Variants in VTCN1 observed in about 807,000 individuals in gnomAD.
The protein encoded by VTCN1 is V-set domain containing T cell activation inhibitor 1.
VTCN1 carries 26 observed loss-of-function variants against 26.5 expected under a neutral mutation model. The ratio of observed to expected loss-of-function variants is 0.98; its 90% CI spans 0.72 to 1.36. The LOEUF (loss-of-function observed/expected upper bound fraction) is 1.36, where lower values mean the gene tolerates loss of function less well. Among genes scored for constraint, VTCN1 ranks in the 40% most tolerant of loss-of-function variants. VTCN1 has a pLI of 0.00. For synonymous variants in VTCN1, 116 were observed against 130.7 expected, an observed-to-expected ratio of 0.89 and a Z score of 0.77; for missense variants, 298 against 337.7, an observed-to-expected ratio of 0.88 and a Z score of 0.92.
intron 2 of VTCN1, among the ~76,000 whole-genome samples, chr1:117,163,438 C>G (rs1205722373): frequency 5.9e-5 from 9 of 152,168 alleles, no homozygotes; most frequent in Non-Finnish European, 1.2e-4. Context: ...ACATGCTAAA[C>G]CTTAAATCAG....
chr1:117,189,790 T>A (rs113048668), intron 1 of VTCN1, among the ~76,000 whole-genome samples: 2,037 of 151,982 alleles, frequency 0.013, 40 homozygotes, highest in African/African-American at 0.047. Flanking sequence ...GGATAGGAGA[T>A]CCCCCACTCC....
chr1:117,173,003 T>C (rs1369770517), intron 1 of VTCN1, among the ~76,000 whole-genome samples: 1 of 152,170 alleles, frequency 6.6e-6, no homozygotes, highest in African/African-American at 2.4e-5. Flanking sequence ...TCTTTCGCTC[T>C]TCACAGTAAA....
At position 117,181,165 on chromosome 1, in the gene VTCN1, C is replaced by T. The variant is rs12076789; in HGVS notation, c.33-10994G>A. Among the ~76,000 whole-genome samples, 697 of 151,458 alleles carry T rather than the reference C, an allele frequency of 4.6e-3. 3 individuals carry two copies. The highest frequency in any genetic ancestry group is 0.016 in the African/African-American group (667 of 41,294). On this transcript the variant is annotated intron_variant, in intron 1 of 5. Transcript: ENST00000369458. ...GGAGTGGTGGTTCATGCCTGTAGTC[C>T]TAACACTTTGGGAGGCCAAGGTGGG... is the stretch of plus-strand genomic sequence containing the variant.
At chr1:117,168,540 T>C (rs1652730119) in intron 2 of VTCN1, among the ~76,000 whole-genome samples, 1 of 152,112 alleles carries the variant, frequency 6.6e-6, no homozygotes, top group East Asian at 1.9e-4. Context: ...GCTCCAAGTA[T>C]AAAGAAAAGG....
In VTCN1 at chr1:117,167,377, T is replaced by A. The variant is rs1450186885; in HGVS notation, c.97+2730A>T. Among the ~76,000 whole-genome samples the A allele has an allele frequency of 1.5e-4, 23 of 152,162 alleles. No individual in the cohort carries two copies. The highest frequency in any genetic ancestry group is 4.4e-5 in the Non-Finnish European group (3 of 68,026). On this transcript the variant is annotated intron_variant, in intron 2 of 5. Coordinates refer to ENST00000369458, the MANE Select transcript of VTCN1 (RefSeq NM_024626.4). This position sits in a 1 kb window ranked among gnomAD's most constrained non-coding sequence, Gnocchi z 4.1. ...CTACCTGCTTACTTGTCCCCAAAGG[T>A]AATAAGAACCATTATTCTACCTTTG...
intron 1 of VTCN1, among the ~76,000 whole-genome samples, chr1:117,192,992 C>T (rs1648320083): frequency 6.6e-6 from 1 of 152,044 alleles, no homozygotes; most frequent in East Asian, 1.9e-4. Flanking sequence ...AACAAAATAA[C>T]AACACAGCAA....
chr1:117,159,069 A>T lies in VTCN1; in HGVS notation c.98-2148T>A, dbSNP rs1652238154. On this transcript the variant is annotated intron_variant, in intron 2 of 5. Coordinates refer to ENST00000369458, the MANE Select transcript of VTCN1 (RefSeq NM_024626.4). This position sits in a 1 kb window ranked among gnomAD's most constrained non-coding sequence, Gnocchi z 4.7. The stretch of plus-strand genomic sequence containing the variant: ...TCAACAAGTCTCTAGGAAGTTTCAA[A>T]ATTTCCCACATTTTCCTGTCTTCTT... Among the ~76,000 whole-genome samples the T allele has an allele frequency of 6.6e-6, 1 of 152,158 alleles. No individual in the cohort carries two copies. The highest frequency in any genetic ancestry group is 1.5e-5 in the Non-Finnish European group (1 of 68,032).
In VTCN1 at chr1:117,167,782, C is replaced by T. The variant is rs2101509378; in HGVS notation, c.97+2325G>A. On this transcript the variant is annotated intron_variant, in intron 2 of 5. Transcript: ENST00000369458. The surrounding 1 kb of genome is among the most constrained non-coding windows in gnomAD (Gnocchi z 4.1). The stretch of plus-strand genomic sequence containing the variant: ...AGTAGAAAAAGAATTGAAAGATGGC[C>T]AAGTAAAGCAGGAAGAGGAATATTA... 6.6e-6 allele frequency among the ~76,000 whole-genome samples: 1 copy of T among 151,842 alleles called. No homozygotes were observed. The highest frequency in any genetic ancestry group is 2.1e-4 in the South Asian group (1 of 4,794).
intron 4 of VTCN1, among the ~76,000 whole-genome samples, chr1:117,151,844 C>T (rs1651819008): frequency 6.6e-6 from 1 of 152,182 alleles, no homozygotes; most frequent in African/African-American, 2.4e-5. Context: ...TTTTCCGCAT[C>T]CTCACCAACA....
chr1:117,198,728 T>C lies in VTCN1; in HGVS notation c.32+12096A>G, dbSNP rs573668086. Among the ~76,000 whole-genome samples the C allele has an allele frequency of 1.4e-3, 216 of 151,142 alleles. 1 individual carries two copies. The highest frequency in any genetic ancestry group is 2.9e-3 in the Admixed American group (45 of 15,258). ...GATAAAGTAATTAAAATTATAACAA[T>C]GAGACGGCAGTCAAAACAATACCCA... On this transcript the variant is annotated intron_variant, in intron 1 of 5. Transcript: ENST00000369458.
At chr1:117,202,371 G>C (rs951343173) in intron 1 of VTCN1, among the ~76,000 whole-genome samples, 1 of 152,174 alleles carries the variant, frequency 6.6e-6, no homozygotes, top group African/African-American at 2.4e-5. Context: ...GTGAGGGGGA[G>C]AGCAGCAAAT....
At chr1:117,168,967 C>CA (rs1652756952) in intron 2 of VTCN1, among the ~76,000 whole-genome samples, 1 of 152,172 alleles carries the variant, frequency 6.6e-6, no homozygotes, top group Non-Finnish European at 1.5e-5. Flanking sequence ...ACAACTCTAG[C>CA]AAGTTTTCTT....
Position 117,184,573 on chromosome 1 carries a change from G to A in VTCN1, c.33-14402C>T, listed in dbSNP as rs540537450. 8.5e-5 allele frequency among the ~76,000 whole-genome samples: 13 copies of A among 152,206 alleles called. No homozygotes were observed. The East Asian group carries it at 2.5e-3, about 29-fold the overall frequency. On this transcript the variant is annotated intron_variant, in intron 1 of 5. Coordinates refer to ENST00000369458, the MANE Select transcript of VTCN1 (RefSeq NM_024626.4). ...ATGCTGGCTGGTAGGGGTGTCAGTGGGCAGTACTACCATCTTTTTAATACT... is the reference window on the plus strand; with the variant it reads ...ATGCTGGCTGGTAGGGGTGTCAGTGAGCAGTACTACCATCTTTTTAATACT...
chr1:117,165,510 T>C (rs1054130777), intron 2 of VTCN1, among the ~76,000 whole-genome samples: 1 of 152,118 alleles, frequency 6.6e-6, no homozygotes, highest in Non-Finnish European at 1.5e-5. Context: ...ATAAGTGAGC[T>C]CTCAGGCCCT....
At chr1:117,174,493 G>A (rs368029970) in intron 1 of VTCN1, among the ~76,000 whole-genome samples, 10 of 152,280 alleles carry the variant, frequency 6.6e-5, no homozygotes, top group South Asian at 2.1e-4. Flanking sequence ...CAGGCCAGGC[G>A]CGGTGACTCA....
At position 117,153,044 on chromosome 1, in the gene VTCN1, T is replaced by A. The variant is rs746975514; in HGVS notation, c.724+47A>T. ...AATGAAGTTAAATTTTAATTTAGAT[T>A]TTACTCTTTCCCCAGTAAATCCATA... On this transcript the variant is annotated intron_variant, in intron 4 of 5. Transcript: ENST00000369458. The A allele has an allele frequency of 1.2e-5, 18 of 1,558,890 alleles. No homozygotes were observed. The East Asian group carries it at 3.8e-4, about 33-fold the overall frequency.
intron 2 of VTCN1, among the ~76,000 whole-genome samples, chr1:117,157,857 A>C (rs1652167798): frequency 6.6e-6 from 1 of 152,192 alleles, no homozygotes; most frequent in Admixed American, 6.5e-5. Flanking sequence ...CCTAGATACA[A>C]TGGGGGTACA....
chr1:117,205,140 A>ATT (rs1205213170), intron 1 of VTCN1, among the ~76,000 whole-genome samples: 4 of 72,318 alleles, frequency 5.5e-5, no homozygotes, highest in South Asian at 7.0e-4. Flanking sequence ...TCATATATAT[A>ATT]TTTTTATATA....
chr1:117,207,205 C>T (rs1649111260), intron 1 of VTCN1, among the ~76,000 whole-genome samples: 1 of 152,204 alleles, frequency 6.6e-6, no homozygotes, highest in African/African-American at 2.4e-5. Flanking sequence ...CCCTCATTCT[C>T]TACTTCATCC....
Sources: allele counts gnomAD v4.1 joint callset (sites outside exome capture counted in the v4.1 genomes callset), GRCh38; gene constraint gnomAD v4.1.1; non-coding constraint Gnocchi (gnomAD v3.1); transcripts MANE v1.5; gene names NCBI Gene and HGNC (gene_info 2026-07-23, HGNC 2026-07-21).